The following ADCY9 variants were observed in gnomAD, a reference collection of about 807,000 sequenced individuals.
ADCY9 encodes the protein adenylate cyclase 9.
ADCY9 carries 50 observed loss-of-function variants against 101.5 expected under a neutral mutation model. The observed-to-expected ratio is 0.49, with a 90% confidence interval of 0.39 to 0.62. The LOEUF (loss-of-function observed/expected upper bound fraction) is 0.62, where lower values mean the gene tolerates loss of function less well. Ranked by LOEUF, ADCY9 falls within the 20% of genes least tolerant of loss-of-function variation. ADCY9 has a pLI of 0.00. For missense variants in ADCY9, 1,662 were observed against 1,800.4 expected, an observed-to-expected ratio of 0.92 and a Z score of 1.39; for synonymous variants, 905 against 769.3, an observed-to-expected ratio of 1.18 and a Z score of -2.92.
chr16:4,087,522 C>A (rs1366669960), intron 2 of ADCY9, among the ~76,000 whole-genome samples: 1 of 138,866 alleles, frequency 7.2e-6, no homozygotes, highest in Admixed American at 7.8e-5. Context: ...GGCAACAGAG[C>A]GAGATTCCAT....
chr16:3,977,230 T>C (rs2056099721), intron 9 of ADCY9, among the ~76,000 whole-genome samples: 3 of 152,246 alleles, frequency 2.0e-5, no homozygotes, highest in Admixed American at 1.3e-4. Context: ...AGCATTATGT[T>C]TTCCAGGATG....
At chr16:3,976,659 A>G (rs2056094880) in intron 9 of ADCY9, among the ~76,000 whole-genome samples, 1 of 151,940 alleles carries the variant, frequency 6.6e-6, no homozygotes, top group Non-Finnish European at 1.5e-5. Flanking sequence ...TGACCTATTT[A>G]TTATTTTTTG....
chr16:4,054,455 C>G (rs1232232694), intron 2 of ADCY9, among the ~76,000 whole-genome samples: 1 of 152,218 alleles, frequency 6.6e-6, no homozygotes, highest in East Asian at 1.9e-4. Flanking sequence ...CTCAAACCAT[C>G]TTCCTGAAAC....
chr16:3,992,458 C>T lies in ADCY9; in HGVS notation c.1990-95G>A, dbSNP rs1022422252. ...TCCCACCCCGACCTCCGCTGCGGGG[C>T]GCTGCTGCACTGGGCGTGGGACTTT... On this transcript the variant is annotated intron_variant, in intron 4 of 10. Coordinates refer to ENST00000294016, the MANE Select transcript of ADCY9 (RefSeq NM_001116.4). This position sits in a 1 kb window ranked among gnomAD's most constrained non-coding sequence, Gnocchi z 4.2. 4.6e-5 allele frequency: 52 copies of T among 1,133,070 alleles called. No homozygotes were observed. Among genetic ancestry groups the T allele is most frequent in the Non-Finnish European group, 3.8e-5 (30 of 791,574 alleles). The allele number at this position is 1,133,070 out of a possible 1,614,324, so 70.2% of individuals were successfully genotyped here. A position where few individuals can be genotyped will look rare whatever the true frequency, so the allele number is the denominator to read the frequency against.
Position 4,115,772 on chromosome 16 carries a change from C to T in ADCY9, c.-126G>A. 2.5e-6 allele frequency: 1 copy of T among 403,940 alleles called. No homozygotes were observed. The highest frequency in any genetic ancestry group is 4.4e-6 in the Non-Finnish European group (1 of 229,646). 25.0% of individuals were successfully genotyped at this position (403,940 alleles called of 1,614,324 possible). A position where few individuals can be genotyped will look rare whatever the true frequency, so the allele number is the denominator to read the frequency against. ...CGCTCGCCTTCCGCGCCTCTCGCCC[C>T]GAGGGTGGCCTCCGCGCCGCGCGGC... On this transcript the variant is annotated 5_prime_UTR_variant, in exon 1 of 11. Transcript: ENST00000294016. This position sits in a 1 kb window ranked among gnomAD's most constrained non-coding sequence, Gnocchi z 6.2.
At chr16:4,080,236 T>C (rs1364036889) in intron 2 of ADCY9, among the ~76,000 whole-genome samples, 2 of 151,728 alleles carry the variant, frequency 1.3e-5, no homozygotes, top group Non-Finnish European at 2.9e-5. Context: ...TTAACAGAGG[T>C]AATTTTTCTT....
At chr16:4,008,619 TG>T (rs1204718180) in intron 2 of ADCY9, among the ~76,000 whole-genome samples, 7 of 151,566 alleles carry the variant, frequency 4.6e-5, no homozygotes, top group Non-Finnish European at 1.0e-4. Flanking sequence ...TCACCCAGGA[TG>T]GAGTGCAATG....
chr16:4,047,707 A>G (rs911526728), intron 2 of ADCY9, among the ~76,000 whole-genome samples: 13 of 152,190 alleles, frequency 8.5e-5, no homozygotes, highest in African/African-American at 3.1e-4. Flanking sequence ...TCCATGACCA[A>G]TCAGGTCCTT....
At chr16:3,976,634 T>C (rs2056094739) in intron 9 of ADCY9, among the ~76,000 whole-genome samples, 1 of 152,172 alleles carries the variant, frequency 6.6e-6, no homozygotes, top group Non-Finnish European at 1.5e-5. Context: ...CATGACATCA[T>C]ATGGGGAACT....
chr16:4,059,674 G>A (rs1475006946), intron 2 of ADCY9, among the ~76,000 whole-genome samples: 1 of 152,164 alleles, frequency 6.6e-6, no homozygotes, highest in Non-Finnish European at 1.5e-5. Flanking sequence ...GAGGCAGGAG[G>A]ATTGCTTGAG....
chr16:3,976,850 G>A (rs2056096742), intron 9 of ADCY9, among the ~76,000 whole-genome samples: 1 of 152,136 alleles, frequency 6.6e-6, no homozygotes, highest in Non-Finnish European at 1.5e-5. Context: ...TAGAGACGGG[G>A]TTTCACCATG....
intron 2 of ADCY9, among the ~76,000 whole-genome samples, chr16:4,077,290 T>A (rs948449400): frequency 1.3e-5 from 2 of 152,150 alleles, no homozygotes; most frequent in Non-Finnish European, 2.9e-5. Context: ...GGACACTTCC[T>A]GTGACATCTG....
At chr16:3,955,966 G>A (rs1029256638) in intron 5 of ADCY9, among the ~76,000 whole-genome samples, 8 of 152,106 alleles carry the variant, frequency 5.3e-5, no homozygotes, top group South Asian at 4.1e-4. Context: ...GCGCTCAAGC[G>A]ATCCTCCCAA....
intron 2 of ADCY9, among the ~76,000 whole-genome samples, chr16:4,081,058 G>A (rs2056898601): frequency 6.6e-6 from 1 of 152,146 alleles, no homozygotes; most frequent in South Asian, 2.1e-4. Context: ...TTTTTAAACC[G>A]AGAAATATTT....
At chr16:3,993,573 G>C in intron 3 of ADCY9, 63 bp from the exon 4 acceptor site, 13 of 1,593,332 alleles carry the variant, frequency 8.2e-6, no homozygotes, top group East Asian at 2.2e-5. Context: ...CCTGAATTCA[G>C]GCAGGTCCGC....
At chr16:3,967,136 C>G (rs781079002) in intron 10 of ADCY9, among the ~76,000 whole-genome samples, 170 bp from the exon 11 acceptor site, 1 of 152,210 alleles carries the variant, frequency 6.6e-6, no homozygotes, top group African/African-American at 2.4e-5. Flanking sequence ...GGGATAAAGA[C>G]TAACTTTTGA....
intron 2 of ADCY9, among the ~76,000 whole-genome samples, chr16:4,082,720 A>ACG (rs2056912854): frequency 6.7e-6 from 1 of 150,370 alleles, no homozygotes; most frequent in South Asian, 2.1e-4. Flanking sequence ...GCATGCACGC[A>ACG]CACACATGCA....
rs1035605928 is a variant in ADCY9 at position 4,111,471 on chromosome 16, G to A, written c.1693+2279C>T. On this transcript the variant is annotated intron_variant, in intron 2 of 10. Transcript: ENST00000294016. ...CAGCCCAAAGGCAGAGGCTAAAATC[G>A]ATCTTACATGTAGATAAGCTTAACT... Among the ~76,000 whole-genome samples, 9 of 152,094 alleles carry A rather than the reference G, an allele frequency of 5.9e-5. No individual in the cohort carries two copies. In the South Asian group the frequency reaches 6.2e-4, roughly 10 times the overall value.
At chr16:3,991,766 A>T (rs1361128230) in intron 5 of ADCY9, among the ~76,000 whole-genome samples, 650 of 38,986 alleles carry the variant, frequency 0.017, 16 homozygotes, top group Middle Eastern at 0.043. Context: ...GTCCTTATAA[A>T]AAAAAAAAAA....
Sources: gnomAD v4.1 joint callset for allele counts (sites outside exome capture counted in the v4.1 genomes callset) on GRCh38, gnomAD v4.1.1 for gene constraint, Gnocchi (gnomAD v3.1) non-coding constraint, MANE v1.5 for transcripts, NCBI Gene and HGNC (gene_info 2026-07-23, HGNC 2026-07-21) for gene names.